NTRK2: variants seen among roughly 807,000 people sequenced by gnomAD.
NTRK2 encodes the protein neurotrophic receptor tyrosine kinase 2, also known as BDNF/NT-3 growth factors receptor.
In NTRK2, 13 loss-of-function variants were observed where a neutral mutation model predicts 94.5. The observed-to-expected ratio is 0.14, with a 90% confidence interval of 0.09 to 0.22. The LOEUF is 0.22. NTRK2 is among the 10% of genes least tolerant of loss of function. NTRK2 has a pLI of 1.00. For missense variants in NTRK2, 639 were observed against 1,071.2 expected, an observed-to-expected ratio of 0.60 and a Z score of 5.63; for synonymous variants, 372 against 407.4, an observed-to-expected ratio of 0.91 and a Z score of 1.05.
intron 2 of NTRK2, among the ~76,000 whole-genome samples, chr9:84,694,200 G>A (rs1319143999): frequency 1.3e-5 from 2 of 152,298 alleles, no homozygotes; most frequent in Non-Finnish European, 2.9e-5. Context: ...GTGACTTAGG[G>A]GAAGTGATCT....
chr9:85,002,048 A>G (rs1426241044), intron 17 of NTRK2, among the ~76,000 whole-genome samples: 2 of 152,172 alleles, frequency 1.3e-5, no homozygotes, highest in Admixed American at 6.5e-5. Context: ...TGCAGCAAAC[A>G]GGAAATCTCC....
Position 84,867,928 on chromosome 9 carries a change from G to A in NTRK2, c.1633+497G>A, listed in dbSNP as rs546695678. The stretch of plus-strand genomic sequence containing the variant: ...GCTCAGTCCGAGTTCCCAGCATGAG[G>A]CCTTGTTGTGTTGCCACAATAGCAA... On this transcript the variant is annotated intron_variant, in intron 14 of 18. Transcript: ENST00000277120. 2.6e-4 allele frequency among the ~76,000 whole-genome samples: 39 copies of A among 152,304 alleles called. 1 individual carries two copies. In the South Asian group the frequency reaches 7.5e-3, roughly 29 times the overall value.
chr9:84,932,603 A>G (rs2078076242), intron 14 of NTRK2, among the ~76,000 whole-genome samples: 1 of 152,242 alleles, frequency 6.6e-6, no homozygotes, highest in African/African-American at 2.4e-5. Context: ...TTATCAAGTT[A>G]CACCGCAGTA....
At chr9:84,763,235 G>A (rs896668646) in intron 12 of NTRK2, among the ~76,000 whole-genome samples, 2 of 152,108 alleles carry the variant, frequency 1.3e-5, no homozygotes, top group African/African-American at 4.8e-5. Flanking sequence ...GGGGTCCTCA[G>A]GATTCTTCTT....
intron 14 of NTRK2, among the ~76,000 whole-genome samples, chr9:84,932,323 G>A (rs541123896): frequency 2.6e-5 from 4 of 152,130 alleles, no homozygotes; most frequent in African/African-American, 9.7e-5. Flanking sequence ...GCAAGAATTC[G>A]TACTGTATAA....
intron 12 of NTRK2, among the ~76,000 whole-genome samples, chr9:84,798,940 A>ATATATATATATATATATATG (rs1564302712): frequency 2.5e-5 from 3 of 117,842 alleles, no homozygotes; most frequent in African/African-American, 8.5e-5. Flanking sequence ...ATATATATAT[A>ATATATATATATATATATATG]TGCTTATTTA....
At chr9:84,673,922 TG>T (rs1179773939) in intron 2 of NTRK2, among the ~76,000 whole-genome samples, 1 of 152,246 alleles carries the variant, frequency 6.6e-6, no homozygotes, top group Non-Finnish European at 1.5e-5. Context: ...ACCACAGCAG[TG>T]TTAAAATGAA....
At chr9:84,716,718 G>A (rs1010249005) in intron 6 of NTRK2, among the ~76,000 whole-genome samples, 5 of 152,224 alleles carry the variant, frequency 3.3e-5, no homozygotes, top group African/African-American at 7.2e-5. Flanking sequence ...ACAGTGGATC[G>A]TTGTTTTTCT....
chr9:84,746,460 C>T (rs1428678354), intron 11 of NTRK2, among the ~76,000 whole-genome samples: 2 of 152,178 alleles, frequency 1.3e-5, no homozygotes, highest in East Asian at 1.9e-4. Flanking sequence ...CTCTCCCAGC[C>T]TTGTGTTTCC....
intron 2 of NTRK2, among the ~76,000 whole-genome samples, chr9:84,689,803 G>A (rs996662295): frequency 1.3e-5 from 2 of 151,992 alleles, no homozygotes; most frequent in African/African-American, 4.8e-5. Flanking sequence ...CCTCCCTCTA[G>A]TGCCTGGCAA....
intron 12 of NTRK2, among the ~76,000 whole-genome samples, chr9:84,789,906 A>G (rs1284155779): frequency 1.3e-5 from 2 of 152,202 alleles, no homozygotes; most frequent in African/African-American, 4.8e-5. Context: ...TAGTGGATGT[A>G]GGGGATATGA....
intron 14 of NTRK2, chr9:84,877,212 A>G (rs202047610): frequency 8.4e-6 from 9 of 1,065,330 alleles, no homozygotes; most frequent in African/African-American, 1.6e-5. Context: ...TGGCTGATTC[A>G]TCGGCATAGT....
intron 14 of NTRK2, among the ~76,000 whole-genome samples, chr9:84,918,407 A>G (rs891815394): frequency 2.0e-5 from 3 of 152,190 alleles, no homozygotes; most frequent in Non-Finnish European, 4.4e-5. Flanking sequence ...ACATGGGTCC[A>G]GTGAAAGGTG....
intron 6 of NTRK2, among the ~76,000 whole-genome samples, chr9:84,718,358 C>A (rs535430970): frequency 1.3e-5 from 2 of 152,036 alleles, no homozygotes; most frequent in African/African-American, 4.8e-5. Context: ...AACAAGATAC[C>A]CTGGTGATTC....
chr9:84,913,243 G>A (rs2077296904), intron 14 of NTRK2, among the ~76,000 whole-genome samples: 1 of 151,876 alleles, frequency 6.6e-6, no homozygotes, highest in South Asian at 2.1e-4. Context: ...GGTTGCTTTA[G>A]GCACATTTTA....
intron 6 of NTRK2, among the ~76,000 whole-genome samples, chr9:84,712,953 C>T (rs1427053780): frequency 6.6e-6 from 1 of 152,150 alleles, no homozygotes; most frequent in African/African-American, 2.4e-5. Context: ...ATGCTTTTTA[C>T]ACATATGTAC....
Position 84,847,366 on chromosome 9 carries a change from G to C in NTRK2, c.1397-13674G>C, listed in dbSNP as rs548412118. ...GGCATTTTATAGTTGCAAATGGTTT[G>C]AACAATAGTGGAGATTTATTGTTTC... is the stretch of plus-strand genomic sequence containing the variant. On this transcript the variant is annotated intron_variant, in intron 12 of 18. Coordinates refer to ENST00000277120, the MANE Select transcript of NTRK2 (RefSeq NM_006180.6). 5.3e-5 allele frequency among the ~76,000 whole-genome samples: 8 copies of C among 152,280 alleles called. 1 individual carries two copies. Among genetic ancestry groups the C allele is most frequent in the African/African-American group, 1.9e-4 (8 of 41,568 alleles).
intron 11 of NTRK2, among the ~76,000 whole-genome samples, chr9:84,751,631 A>G (rs1299852027): frequency 6.6e-6 from 1 of 152,014 alleles, no homozygotes; most frequent in East Asian, 1.9e-4. Context: ...TTCATATTTC[A>G]TATTCTCTCT....
intron 2 of NTRK2, among the ~76,000 whole-genome samples, chr9:84,677,608 G>A (rs996591682): frequency 1.3e-5 from 2 of 152,110 alleles, no homozygotes; most frequent in South Asian, 2.1e-4. Context: ...GTTTGCCTGG[G>A]CCCCTTGGTA....
Sources: gnomAD v4.1 joint callset for allele counts (sites outside exome capture counted in the v4.1 genomes callset) on GRCh38, gnomAD v4.1.1 for gene constraint, MANE v1.5 for transcripts, NCBI Gene and HGNC (gene_info 2026-07-23, HGNC 2026-07-21) for gene names.